The following PAWR variants were observed in gnomAD, a reference collection of about 807,000 sequenced individuals.
PAWR encodes the protein pro-apoptotic WT1 regulator, also known as PRKC apoptosis WT1 regulator protein.
PAWR carries 23 observed loss-of-function variants against 32.0 expected under a neutral mutation model. The observed-to-expected ratio is 0.72, with a 90% CI of 0.52 to 1.02. The LOEUF (loss-of-function observed/expected upper bound fraction) is 1.02. PAWR is among the 50% of genes least tolerant of loss of function. PAWR has a pLI of 0.00. For missense variants in PAWR, 457 were observed against 437.7 expected (o/e 1.04, Z -0.39); for synonymous variants, 226 against 187.1 (o/e 1.21, Z -1.70).
rs771281151 is a variant in PAWR at position 79,596,587 on chromosome 12, T to C, written c.755A>G (p.Tyr252Cys). The change falls in exon 5 of 7, where the codon TAT (tyrosine) becomes TGT (cysteine). Residue 252 changes from tyrosine (Y) to cysteine (C), a missense_variant. Physicochemically the swap from Tyr to Cys is radical, Grantham distance 194 (BLOSUM62 -2). Coordinates refer to ENST00000328827, the MANE Select transcript of PAWR (RefSeq NM_002583.4). ...ACCTGAAACATTTGCATCCCTGTTA[T>C]ATCTAGGGAACCCACTTCTATCTGT... is the stretch of plus-strand genomic sequence containing the variant. ...SRTDRSGFPR[Y>C]NRDANVSGTL... 6.3e-7 allele frequency: 1 copy of C among 1,588,182 alleles called. No homozygotes were observed. The highest frequency in any genetic ancestry group is 1.3e-5 in the African/African-American group (1 of 74,360).
chr12:79,655,490 G>A (rs1444439307), intron 2 of PAWR, among the ~76,000 whole-genome samples: 1 of 152,116 alleles, frequency 6.6e-6, no homozygotes, highest in Admixed American at 6.5e-5. Context: ...TCAGTGCCCA[G>A]GACCTACCTA....
intron 4 of PAWR, 159 bp from the exon 5 acceptor site, chr12:79,596,817 C>T (rs1482556580): frequency 2.1e-5 from 11 of 515,260 alleles, no homozygotes; most frequent in Admixed American, 3.9e-5. Context: ...TATTCCCACA[C>T]AATGAAAAAA....
intron 2 of PAWR, among the ~76,000 whole-genome samples, chr12:79,636,806 T>C (rs1875981431): frequency 6.6e-6 from 1 of 152,142 alleles, no homozygotes; most frequent in African/African-American, 2.4e-5. Context: ...TTCAGAATCC[T>C]TAAAAAAATT....
chr12:79,608,665 A>C (rs1272496456), intron 4 of PAWR, among the ~76,000 whole-genome samples: 1 of 152,232 alleles, frequency 6.6e-6, no homozygotes, highest in Non-Finnish European at 1.5e-5. Context: ...GATTTAGTTT[A>C]CTGAACCATC....
chr12:79,613,469 A>G (rs2136699115), intron 4 of PAWR, 106 bp downstream of exon 4: 1 of 549,204 alleles, frequency 1.8e-6, no homozygotes. Flanking sequence ...ACAGTAGAAA[A>G]GTTTCTTACT....
chr12:79,607,109 T>C (rs959687601), intron 4 of PAWR, among the ~76,000 whole-genome samples: 24 of 152,118 alleles, frequency 1.6e-4, no homozygotes, highest in African/African-American at 5.6e-4. Context: ...GGGTAAAATA[T>C]AGAACATATC....
At chr12:79,687,616 G>C (rs1044977333) in intron 2 of PAWR, among the ~76,000 whole-genome samples, 2 of 151,998 alleles carry the variant, frequency 1.3e-5, no homozygotes, top group Non-Finnish European at 2.9e-5. Context: ...AAATATGTAT[G>C]ACTTTTTAAA....
At chr12:79,597,916 T>A (rs778629226) in intron 4 of PAWR, 5 of 152,200 alleles carry the variant, frequency 3.3e-5, no homozygotes, top group African/African-American at 4.8e-5. Context: ...AATCAAGATG[T>A]TGGTTGGGGC....
intron 2 of PAWR, among the ~76,000 whole-genome samples, chr12:79,650,830 A>C (rs1346273454): frequency 1.3e-5 from 2 of 152,110 alleles, no homozygotes; most frequent in Non-Finnish European, 2.9e-5. Context: ...TAATGTAGTT[A>C]ATCTTCTTTT....
intron 2 of PAWR, among the ~76,000 whole-genome samples, chr12:79,676,023 C>T (rs546608636): frequency 5.3e-5 from 8 of 149,776 alleles, no homozygotes; most frequent in African/African-American, 2.0e-4. Context: ...AAGTTGGAAA[C>T]AGAGGAAAAA....
intron 2 of PAWR, 93 bp from the exon 3 acceptor site, chr12:79,621,300 T>C (rs1365385617): frequency 1.1e-6 from 1 of 934,896 alleles, no homozygotes; most frequent in Admixed American, 2.6e-5. Flanking sequence ...AAAGAAATAT[T>C]TGTGCATTCA....
At position 79,591,542 on chromosome 12, in the gene PAWR, G is replaced by A. The variant is rs554484637; in HGVS notation, c.*1065C>T. The A allele has an allele frequency of 5.3e-5, 8 of 152,136 alleles. No individual in the cohort carries two copies. Among genetic ancestry groups the A allele is most frequent in the African/African-American group, 1.4e-4 (6 of 41,534 alleles). The allele number at this position is 152,136 out of a possible 1,614,324, so 9.4% of individuals were successfully genotyped here. ...TAATATTTAATAGAAGAAAAAATCTGTATAATTATTTAGAAGTAACTCTGT... is the reference window on the plus strand; with the variant it reads ...TAATATTTAATAGAAGAAAAAATCTATATAATTATTTAGAAGTAACTCTGT... On this transcript the variant is annotated 3_prime_UTR_variant, in exon 7 of 7. Coordinates refer to ENST00000328827, the MANE Select transcript of PAWR (RefSeq NM_002583.4).
Position 79,586,629 on chromosome 12 carries a change from A to G in PAWR, c.*5978T>C, listed in dbSNP as rs1162765039. 6.6e-6 allele frequency: 1 copy of G among 152,154 alleles called. No homozygotes were observed. Among genetic ancestry groups the G allele is most frequent in the Non-Finnish European group, 1.5e-5 (1 of 68,024 alleles). The allele number at this position is 152,154 out of a possible 1,614,324, so 9.4% of individuals were successfully genotyped here. On this transcript the variant is annotated 3_prime_UTR_variant, in exon 7 of 7. Coordinates refer to ENST00000328827, the MANE Select transcript of PAWR (RefSeq NM_002583.4). ...TATTAACATGAATAACATACACAGC[A>G]GTCAAAACTTACTGTTTTTCATATG...
At chr12:79,673,146 T>C (rs1011738466) in intron 2 of PAWR, among the ~76,000 whole-genome samples, 3 of 152,140 alleles carry the variant, frequency 2.0e-5, no homozygotes, top group African/African-American at 7.2e-5. Flanking sequence ...CTTGGCTCAC[T>C]GCAAGCTCCG....
At chr12:79,683,381 C>T (rs1878535556) in intron 2 of PAWR, among the ~76,000 whole-genome samples, 1 of 152,086 alleles carries the variant, frequency 6.6e-6, no homozygotes, top group African/African-American at 2.4e-5. Flanking sequence ...TAAACTAGTA[C>T]AGGGTATTTA....
At chr12:79,613,932 TA>T (rs1393150347) in intron 3 of PAWR, among the ~76,000 whole-genome samples, 561 of 3,410 alleles carry the variant, frequency 0.16, 14 homozygotes, top group African/African-American at 0.31. Context: ...GTACCACCAT[TA>T]TATATATATA....
chr12:79,690,619 C>G (rs1466397419), intron 1 of PAWR: 1 of 173,304 alleles, frequency 5.8e-6, no homozygotes, highest in East Asian at 1.5e-4. Flanking sequence ...ACCCCACCCC[C>G]AAGTCGGCCC....
chr12:79,645,069 A>ACACACAC lies in PAWR; in HGVS notation c.517-23863_517-23862insGTGTGTG, dbSNP rs1220453183. Among the ~76,000 whole-genome samples, 1,206 of 124,750 alleles carry ACACACAC rather than the reference A, an allele frequency of 9.7e-3. 10 individuals carry two copies. Among genetic ancestry groups the ACACACAC allele is most frequent in the African/African-American group, 0.041 (798 of 19,456 alleles). 81.8% of individuals were successfully genotyped at this position (124,750 alleles called of 152,430 possible). A position where few individuals can be genotyped will look rare whatever the true frequency, so the allele number is the denominator to read the frequency against. On this transcript the variant is annotated intron_variant, in intron 2 of 6. Transcript: ENST00000328827. Reference sequence around the variant, plus strand: ...ACACACACACACACACACACACACAAAAATCAATGTGGAATAGGAAATGAG... The same window carrying ACACACAC: ...ACACACACACACACACACACACACAACACACACAAATCAATGTGGAATAGGAAATGAG...
chr12:79,686,371 A>G (rs1592560885), intron 2 of PAWR, among the ~76,000 whole-genome samples: 1 of 152,132 alleles, frequency 6.6e-6, no homozygotes, highest in Admixed American at 6.5e-5. Flanking sequence ...ACATTTCCTT[A>G]TATTACCTGA....
Sources: allele counts gnomAD v4.1 joint callset (sites outside exome capture counted in the v4.1 genomes callset), GRCh38; gene constraint gnomAD v4.1.1; transcripts MANE v1.5; gene names NCBI Gene and HGNC (gene_info 2026-07-23, HGNC 2026-07-21).